Variants in RND1 observed in about 807,000 individuals in gnomAD.
The protein encoded by RND1 is Rho family GTPase 1.
In RND1, 9 loss-of-function variants were observed where a neutral mutation model predicts 27.1. That is an observed-to-expected ratio of 0.33 (90% CI 0.20 to 0.58). RND1 has a LOEUF of 0.58. Ranked by LOEUF, RND1 falls within the 20% of genes least tolerant of loss-of-function variation. The pLI, the probability that RND1 is intolerant of heterozygous loss-of-function variation, is 0.86. For missense variants in RND1, 253 were observed against 292.2 expected, an observed-to-expected ratio of 0.87 and a Z score of 0.98; for synonymous variants, 108 against 115.7, an observed-to-expected ratio of 0.93 and a Z score of 0.43.
At chr12:48,858,713 T>G (rs1324884336) in intron 4 of RND1, 1 of 152,694 alleles carries the variant, frequency 6.5e-6, no homozygotes, top group East Asian at 1.9e-4. Context: ...AAAATAATAA[T>G]AAACACTTTT....
At chr12:48,865,208 TCTC>T (rs757296043) in intron 1 of RND1, among the ~76,000 whole-genome samples, 1 of 152,084 alleles carries the variant, frequency 6.6e-6, no homozygotes, top group Non-Finnish European at 1.5e-5. Flanking sequence ...TCCTAGCTCA[TCTC>T]CTCTCAAACC....
At position 48,858,100 on chromosome 12, in the gene RND1, GGCTCTTCT is replaced by G; in HGVS notation, c.587_594del (p.Gln196ProfsTer17). The G allele has an allele frequency of 6.2e-7, 1 of 1,614,214 alleles. No homozygotes were observed. The highest frequency in any genetic ancestry group is 8.5e-7 in the Non-Finnish European group (1 of 1,180,032). ...AGTCGTTTGGAGAGGCTTCGGACAG[GGCTCTTCT>G]GGGGCAGTGGGCTAGGCTTGTTCAG... On this transcript the variant is annotated frameshift_variant, in exon 5 of 5. Coordinates refer to ENST00000309739, the MANE Select transcript of RND1 (RefSeq NM_014470.4). LOFTEE classifies it high-confidence loss of function.
chr12:48,864,504 C>A (rs1018618244), intron 2 of RND1, among the ~76,000 whole-genome samples: 3 of 151,688 alleles, frequency 2.0e-5, no homozygotes, highest in Non-Finnish European at 4.4e-5. Flanking sequence ...TTACTGCCCA[C>A]CCCCAGGACT....
chr12:48,865,530 G>C (rs1308723465), intron 1 of RND1, 118 bp downstream of exon 1: 6 of 1,222,976 alleles, frequency 4.9e-6, no homozygotes, highest in Non-Finnish European at 5.8e-6. Context: ...TAAAGCCTCA[G>C]AAAGCGGCTG....
At chr12:48,865,498 G>C in intron 1 of RND1, 150 bp downstream of exon 1, 1 of 915,954 alleles carries the variant, frequency 1.1e-6, no homozygotes, top group Non-Finnish European at 1.7e-6. Context: ...CAGTCCTCCA[G>C]CCAAAAAGCA....
chr12:48,862,179 A>C (rs1938927880), intron 2 of RND1, 61 bp from the exon 3 acceptor site: 1 of 929,586 alleles, frequency 1.1e-6, no homozygotes, highest in Non-Finnish European at 1.7e-6. Flanking sequence ...CAATAGGCCT[A>C]AGCCCTAAAG....
chr12:48,864,956 GA>G, intron 1 of RND1, 86 bp from the exon 2 acceptor site: 1 of 998,988 alleles, frequency 1.0e-6, no homozygotes, highest in Admixed American at 1.7e-5. Flanking sequence ...ACTCACCAGA[GA>G]GACAGTAAAG....
intron 1 of RND1, 59 bp downstream of exon 1, chr12:48,865,589 C>G (rs767105706): frequency 2.1e-5 from 32 of 1,556,698 alleles, no homozygotes; most frequent in Non-Finnish European, 2.7e-5. Flanking sequence ...AGGTGGAAAT[C>G]TACCCCAAGG....
chr12:48,860,248 T>C (rs1304633163), intron 4 of RND1, among the ~76,000 whole-genome samples: 1 of 151,966 alleles, frequency 6.6e-6, no homozygotes, highest in East Asian at 1.9e-4. Flanking sequence ...CACACCCAGC[T>C]ACTTTTGGTA....
In RND1 at chr12:48,858,306, C is replaced by T. The variant is rs141774337; in HGVS notation, c.454-65G>A. ...ATGGCTCTGGGACGCTGCCTCTGTG[C>T]GTCACTCCCCAGGGCCACTCCAGAG... On this transcript the variant is annotated intron_variant, in intron 4 of 4. Transcript: ENST00000309739. 4.5e-5 allele frequency: 71 copies of T among 1,569,024 alleles called. No homozygotes were observed. The African/African-American group carries it at 5.7e-4, about 12-fold the overall frequency.
intron 2 of RND1, among the ~76,000 whole-genome samples, chr12:48,863,893 C>T (rs928338391): frequency 6.6e-6 from 1 of 152,052 alleles, no homozygotes; most frequent in African/African-American, 2.4e-5. Context: ...GCTTTTACTC[C>T]TTAATTATGA....
chr12:48,861,119 T>C lies in RND1; in HGVS notation c.331A>G (p.Ile111Val), dbSNP rs751037776. ...DSALKKWRTE[I>V]LDYCPSTRVL... ...CGGGTGCTGGGACAATAATCTAGGATTTCTGTCCTCCACTGAGGGGTGGAG... is the reference window on the plus strand; with the variant it reads ...CGGGTGCTGGGACAATAATCTAGGACTTCTGTCCTCCACTGAGGGGTGGAG... The change falls in exon 4 of 5, where the codon ATC becomes GTC. Residue 111 changes from isoleucine to valine, a missense_variant. Transcript: ENST00000309739. The C allele has an allele frequency of 1.9e-6, 3 of 1,612,152 alleles. No homozygotes were observed. Among genetic ancestry groups the C allele is most frequent in the African/African-American group, 2.7e-5 (2 of 74,872 alleles).
chr12:48,860,102 G>T (rs1352576520), intron 4 of RND1, among the ~76,000 whole-genome samples: 1 of 128,606 alleles, frequency 7.8e-6, no homozygotes, highest in African/African-American at 2.9e-5. Flanking sequence ...TTTTCCTTGA[G>T]ACAGAGTCTC....
intron 4 of RND1, among the ~76,000 whole-genome samples, chr12:48,860,041 G>T (rs1211269458): frequency 6.7e-6 from 1 of 149,936 alleles, no homozygotes; most frequent in African/African-American, 2.5e-5. Flanking sequence ...GTCTCCCAAA[G>T]TGCTGGGATT....
intron 2 of RND1, among the ~76,000 whole-genome samples, chr12:48,862,854 C>T (rs540942012): frequency 6.6e-6 from 1 of 152,252 alleles, no homozygotes; most frequent in Non-Finnish European, 1.5e-5. Context: ...CCTGCCCCCT[C>T]CACCCTGGGG....
chr12:48,865,828 C>G lies in RND1; in HGVS notation c.-61G>C. ...GAAGGGAGGGTTGCGCCAGGTGCGT[C>G]TCAGCACGCCAATCAAGCCAGATTC... is the stretch of plus-strand genomic sequence containing the variant. On this transcript the variant is annotated 5_prime_UTR_variant, in exon 1 of 5. Coordinates refer to ENST00000309739, the MANE Select transcript of RND1 (RefSeq NM_014470.4). 2.6e-6 allele frequency: 4 copies of G among 1,530,432 alleles called. No homozygotes were observed. The highest frequency in any genetic ancestry group is 2.6e-6 in the Non-Finnish European group (3 of 1,133,974). 94.8% of individuals were successfully genotyped at this position (1,530,432 alleles called of 1,614,324 possible). A position where few individuals can be genotyped will look rare whatever the true frequency, so the allele number is the denominator to read the frequency against.
rs1314240459 is a variant in RND1 at position 48,865,687 on chromosome 12, G to C, written c.81C>G (p.Thr27=). The C allele has an allele frequency of 2.5e-6, 4 of 1,613,992 alleles. No individual in the cohort carries two copies. The African/African-American group carries it at 4.0e-5, about 16-fold the overall frequency. The change falls in exon 1 of 5, where the codon ACC becomes ACG. Residue 27 remains threonine (T), a synonymous_variant. Coordinates refer to ENST00000309739, the MANE Select transcript of RND1 (RefSeq NM_014470.4). ...CCTTCGCTAACACTTGCAACATCGCGGTCTTCCCACACTGCACGTCCCCGA... is the reference window on the plus strand; with the variant it reads ...CCTTCGCTAACACTTGCAACATCGCCGTCTTCCCACACTGCACGTCCCCGA... The part of the protein sequence containing the change: ...VLVGDVQCGK[T]AMLQVLAKDC...
intron 2 of RND1, among the ~76,000 whole-genome samples, chr12:48,862,781 T>C (rs572334806): frequency 2.0e-5 from 3 of 152,212 alleles, no homozygotes; most frequent in Admixed American, 2.0e-4. Context: ...GAGTCCTTCG[T>C]TGGAAGGGAA....
chr12:48,864,450 C>T (rs749728620), intron 2 of RND1, among the ~76,000 whole-genome samples: 7 of 148,994 alleles, frequency 4.7e-5, no homozygotes, highest in African/African-American at 1.3e-4. Context: ...TGTGTGTACG[C>T]GTGCATGTTG....
Sources: allele counts gnomAD v4.1 joint callset (sites outside exome capture counted in the v4.1 genomes callset), GRCh38; gene constraint gnomAD v4.1.1; transcripts MANE v1.5; gene names NCBI Gene and HGNC (gene_info 2026-07-23, HGNC 2026-07-21).